Variants in TNRC6B observed in about 807,000 individuals in gnomAD.
The protein encoded by TNRC6B is trinucleotide repeat containing adaptor 6B.
Under a neutral mutation model 203.6 loss-of-function variants are expected in TNRC6B, and 52 were observed. That is an observed-to-expected ratio of 0.26 (90% CI 0.20 to 0.32). The LOEUF is 0.32. Ranked by LOEUF, TNRC6B falls within the 10% of genes least tolerant of loss-of-function variation. The probability of loss-of-function intolerance (pLI) is 1.00; values close to 1 mark genes in which losing one functional copy is unlikely to be tolerated. For synonymous variants in TNRC6B, 838 were observed against 845.7 expected (o/e 0.99, Z 0.16); for missense variants, 1,923 against 2,286.2 (o/e 0.84, Z 3.24).
chr22:40,246,328 T>G, intron 2 of TNRC6B: 1 of 311,880 alleles, frequency 3.2e-6, no homozygotes, highest in African/African-American at 2.2e-5. Context: ...TAGCTGGGAT[T>G]ACAGGTGCAC....
chr22:40,258,071 C>CTTTTTTGTTTTT (rs2070309806), intron 3 of TNRC6B, among the ~76,000 whole-genome samples: 1 of 28,700 alleles, frequency 3.5e-5, no homozygotes, highest in Admixed American at 3.5e-4. Flanking sequence ...GATACACAGC[C>CTTTTTTGTTTTT]TTTTTTTTTT....
At position 40,300,963 on chromosome 22, in the gene TNRC6B, G is replaced by C. The variant is rs1444307166; in HGVS notation, c.3894G>C (p.Gln1298His). The part of the protein sequence containing the change: ...QQQQQQLLQN[Q>H]RKISQAVRQQ... ...AACAGCAGCAGTTGTTACAGAACCA[G>C]AGAAAGATTTCTCAAGCTGTACGCC... is the stretch of plus-strand genomic sequence containing the variant. Residue 1298 changes from glutamine (Q) to histidine (H), a missense_variant, in exon 14 of 23, where the codon CAG becomes CAC. This residue lies in a region of TNRC6B where 242 missense variants were observed against 399.5 expected (regional missense o/e 0.61). Coordinates refer to ENST00000454349, the MANE Select transcript of TNRC6B (RefSeq NM_001162501.2). 1.2e-6 allele frequency: 2 copies of C among 1,613,790 alleles called. No homozygotes were observed. The highest frequency in any genetic ancestry group is 2.2e-5 in the South Asian group (2 of 90,974).
upstream of TNRC6B, among the ~76,000 whole-genome samples, chr22:40,173,793 ATTTTTT>A (rs1160322782): frequency 2.0e-4 from 13 of 64,878 alleles, no homozygotes; most frequent in African/African-American, 4.0e-4. Context: ...ATATATATAT[ATTTTTT>A]TTTTTTTTTT....
chr22:40,089,867 T>G (rs2068135774), intron 1 of TNRC6B, among the ~76,000 whole-genome samples: 1 of 152,226 alleles, frequency 6.6e-6, no homozygotes, highest in African/African-American at 2.4e-5. Context: ...CTCCCTGTCT[T>G]CTGGCAACCA....
intron 15 of TNRC6B, among the ~76,000 whole-genome samples, chr22:40,306,794 T>G (rs1388916924): frequency 6.6e-6 from 1 of 152,166 alleles, no homozygotes; most frequent in Non-Finnish European, 1.5e-5. Context: ...TAGACCAGCC[T>G]TGGCAATAGG....
At chr22:40,272,582 C>T (rs1400300863) in intron 6 of TNRC6B, among the ~76,000 whole-genome samples, 2 of 152,146 alleles carry the variant, frequency 1.3e-5, no homozygotes, top group African/African-American at 4.8e-5. Context: ...TCATTTTATA[C>T]AGTATTTTTA....
chr22:40,183,759 A>G (rs2069167214), intron 1 of TNRC6B, among the ~76,000 whole-genome samples: 2 of 151,318 alleles, frequency 1.3e-5, no homozygotes, highest in African/African-American at 4.9e-5. Context: ...CAGTGGCGTG[A>G]TCTTTGCTCA....
intron 1 of TNRC6B, among the ~76,000 whole-genome samples, chr22:40,226,933 A>G (rs774138997): frequency 3.3e-5 from 5 of 151,010 alleles, no homozygotes; most frequent in Admixed American, 2.6e-4. Context: ...TTTTTGAGAC[A>G]GAGTCTTACT....
intron 7 of TNRC6B, among the ~76,000 whole-genome samples, chr22:40,275,468 A>G (rs1475679198): frequency 6.6e-6 from 1 of 152,206 alleles, no homozygotes; most frequent in Non-Finnish European, 1.5e-5. Flanking sequence ...GTGATAAAAT[A>G]CATATAACAT....
chr22:40,257,907 G>A (rs984252552), intron 3 of TNRC6B, among the ~76,000 whole-genome samples: 6 of 151,782 alleles, frequency 4.0e-5, no homozygotes, highest in African/African-American at 7.3e-5. Flanking sequence ...CCAGCTACTC[G>A]GGAGGCTGAG....
intron 1 of TNRC6B, among the ~76,000 whole-genome samples, chr22:40,234,036 A>G (rs1359894688): frequency 3.3e-5 from 5 of 152,218 alleles, no homozygotes; most frequent in Admixed American, 2.0e-4. Context: ...CTGTAATCCC[A>G]ACAGTTTGAG....
At chr22:40,292,158 C>T (rs748740865) in intron 12 of TNRC6B, among the ~76,000 whole-genome samples, 4 of 151,960 alleles carry the variant, frequency 2.6e-5, no homozygotes, top group Non-Finnish European at 5.9e-5. Context: ...CGTGCCACTG[C>T]GCTCCAGCTT....
At chr22:40,123,654 G>C (rs1025059739) in intron 2 of TNRC6B, among the ~76,000 whole-genome samples, 1 of 152,218 alleles carries the variant, frequency 6.6e-6, no homozygotes, top group African/African-American at 2.4e-5. Flanking sequence ...AGACCAAGGA[G>C]TGTGCTGAGC....
chr22:40,164,107 TA>T (rs1175481085), intron 4 of TNRC6B, among the ~76,000 whole-genome samples: 1 of 152,008 alleles, frequency 6.6e-6, no homozygotes, highest in Non-Finnish European at 1.5e-5. Flanking sequence ...TTTTATCTGT[TA>T]TCAGCAGAAG....
At chr22:40,220,963 C>T (rs1489587128) in intron 1 of TNRC6B, among the ~76,000 whole-genome samples, 1 of 152,196 alleles carries the variant, frequency 6.6e-6, no homozygotes, top group Non-Finnish European at 1.5e-5. Context: ...TGGACATTTT[C>T]ACCCAAAGCC....
intron 1 of TNRC6B, among the ~76,000 whole-genome samples, chr22:40,111,295 G>A (rs949035580): frequency 3.7e-5 from 5 of 136,378 alleles, no homozygotes; most frequent in East Asian, 1.9e-4. Context: ...AGCAGGGACC[G>A]GGGTGAGCAG....
intron 18 of TNRC6B, 71 bp from the exon 19 acceptor site, chr22:40,312,831 T>C: frequency 8.6e-6 from 13 of 1,507,976 alleles, no homozygotes; most frequent in Non-Finnish European, 1.2e-5. Context: ...TTAAACAAAA[T>C]ACTCTCAAGG....
intron 3 of TNRC6B, among the ~76,000 whole-genome samples, chr22:40,129,429 C>CT: frequency 6.6e-6 from 1 of 152,222 alleles, no homozygotes; most frequent in East Asian, 1.9e-4. Context: ...TCGGGTAGGA[C>CT]TACATTCATG....
chr22:40,185,906 G>C (rs1314857052), intron 1 of TNRC6B, among the ~76,000 whole-genome samples: 1 of 152,132 alleles, frequency 6.6e-6, no homozygotes, highest in Non-Finnish European at 1.5e-5. Context: ...TGAATGATGG[G>C]AATCTTCAAC....
Sources: gnomAD v4.1 joint callset for allele counts (sites outside exome capture counted in the v4.1 genomes callset) on GRCh38, gnomAD v4.1.1 for gene constraint, gnomAD v4.1.1 regional missense constraint, MANE v1.5 for transcripts, NCBI Gene and HGNC (gene_info 2026-07-23, HGNC 2026-07-21) for gene names.